SGIP1: variants seen among roughly 807,000 people sequenced by gnomAD.
SGIP1 encodes SH3-containing GRB2-like protein 3-interacting protein 1.
In SGIP1, 38 loss-of-function variants were observed where a neutral mutation model predicts 107.5. The observed-to-expected ratio is 0.35, with a 90% confidence interval of 0.27 to 0.46. SGIP1 has a LOEUF of 0.46. Among genes scored for constraint, SGIP1 ranks in the 20% least tolerant of loss-of-function variants. The pLI, the probability that SGIP1 is intolerant of heterozygous loss-of-function variation, is 1.00. For missense variants in SGIP1, 929 were observed against 1,019.5 expected (o/e 0.91, Z 1.21); for synonymous variants, 365 against 366.1 (o/e 1.00, Z 0.03).
At chr1:66,660,375 G>C (rs2081223421) in intron 7 of SGIP1, 138 bp from the exon 8 acceptor site, 1 of 761,124 alleles carries the variant, frequency 1.3e-6, no homozygotes, top group Non-Finnish European at 2.3e-6. Flanking sequence ...GACCCCCACA[G>C]GAAGCATTTA....
At chr1:66,672,984 A>T (rs2084201684) in intron 11 of SGIP1, among the ~76,000 whole-genome samples, 1 of 152,158 alleles carries the variant, frequency 6.6e-6, no homozygotes, top group Admixed American at 6.5e-5. Flanking sequence ...AGGTATAGAA[A>T]ATCATGATGC....
At chr1:66,676,698 C>T (rs2085429295) in intron 12 of SGIP1, among the ~76,000 whole-genome samples, 1 of 152,126 alleles carries the variant, frequency 6.6e-6, no homozygotes, top group African/African-American at 2.4e-5. Context: ...AGAGCCAGTA[C>T]ATGTACTGAT....
At chr1:66,590,970 C>T (rs1027033912) in intron 1 of SGIP1, among the ~76,000 whole-genome samples, 2 of 152,154 alleles carry the variant, frequency 1.3e-5, no homozygotes, top group African/African-American at 4.8e-5. Context: ...TTTCAAACTG[C>T]CCCAACAAAA....
At chr1:66,718,744 T>C (rs185106948) in intron 18 of SGIP1, among the ~76,000 whole-genome samples, 2 of 152,276 alleles carry the variant, frequency 1.3e-5, no homozygotes, top group African/African-American at 4.8e-5. Context: ...AGTCGATGTG[T>C]ATAGTTTGGT....
At chr1:66,616,166 A>G (rs1267620977) in intron 1 of SGIP1, 3 of 152,232 alleles carry the variant, frequency 2.0e-5, no homozygotes, top group Admixed American at 6.5e-5. Flanking sequence ...ATGTTAGTCA[A>G]TGACATCTCT....
intron 17 of SGIP1, 162 bp from the exon 18 acceptor site, chr1:66,695,270 AAG>A: frequency 7.5e-7 from 1 of 1,337,154 alleles, no homozygotes; most frequent in Admixed American, 3.1e-5. Flanking sequence ...AAAAAAAAAA[AAG>A]TGTAGATTGC....
intron 2 of SGIP1, among the ~76,000 whole-genome samples, chr1:66,631,681 T>TTCTCTCTCTCTC (rs71058468): frequency 1.1e-3 from 142 of 132,216 alleles, no homozygotes; most frequent in Middle Eastern, 3.9e-3. Context: ...CTCTCTCTCT[T>TTCTCTCTCTCTC]TCTCTCTCTC....
intron 5 of SGIP1, among the ~76,000 whole-genome samples, chr1:66,640,850 A>C (rs150807255): frequency 1.1e-3 from 171 of 152,216 alleles, no homozygotes; most frequent in African/African-American, 3.6e-3. Flanking sequence ...TGCTCAAAAA[A>C]ATGGTGAGTT....
At chr1:66,735,055 C>T (rs1013157044) in intron 21 of SGIP1, among the ~76,000 whole-genome samples, 2 of 151,898 alleles carry the variant, frequency 1.3e-5, no homozygotes, top group African/African-American at 4.8e-5. Context: ...GAATTTATTC[C>T]TCTCATCTAA....
chr1:66,631,083 G>GAA (rs1283328623), intron 2 of SGIP1, among the ~76,000 whole-genome samples: 2 of 138,472 alleles, frequency 1.4e-5, no homozygotes, highest in African/African-American at 2.6e-5. Context: ...AAGAAAGAAA[G>GAA]AAAGAAAGAA....
At chr1:66,599,959 T>A (rs1371080193) in intron 1 of SGIP1, among the ~76,000 whole-genome samples, 1 of 152,132 alleles carries the variant, frequency 6.6e-6, no homozygotes, top group Non-Finnish European at 1.5e-5. Context: ...CCTGATACCA[T>A]CTTTGTAACC....
chr1:66,672,266 C>G (rs895765914), intron 11 of SGIP1, among the ~76,000 whole-genome samples: 1 of 152,184 alleles, frequency 6.6e-6, no homozygotes, highest in Non-Finnish European at 1.5e-5. Flanking sequence ...GCTAAAGTTT[C>G]TCTCTAAAGA....
chr1:66,625,578 C>T (rs191640714), intron 1 of SGIP1, among the ~76,000 whole-genome samples: 1 of 152,322 alleles, frequency 6.6e-6, no homozygotes, highest in Non-Finnish European at 1.5e-5. Context: ...CTAAGAAAAT[C>T]TTGCAATCTT....
chr1:66,581,312 G>A (rs903629535), intron 1 of SGIP1, among the ~76,000 whole-genome samples: 1 of 151,938 alleles, frequency 6.6e-6, no homozygotes, highest in African/African-American at 2.4e-5. Context: ...ACTCAGGCAA[G>A]TTCTCAACCT....
intron 18 of SGIP1, among the ~76,000 whole-genome samples, chr1:66,695,891 T>G (rs1191780530): frequency 6.6e-6 from 1 of 152,228 alleles, no homozygotes; most frequent in Non-Finnish European, 1.5e-5. Context: ...GGTATTTAAC[T>G]TGTTTTGGGT....
intron 19 of SGIP1, among the ~76,000 whole-genome samples, chr1:66,727,930 G>A (rs1384756290): frequency 1.3e-5 from 2 of 151,892 alleles, no homozygotes; most frequent in Admixed American, 6.6e-5. Flanking sequence ...CAGGGATGAT[G>A]GAAATGTTCA....
At chr1:66,546,618 C>T (rs149740814) in intron 1 of SGIP1, among the ~76,000 whole-genome samples, 2 of 152,268 alleles carry the variant, frequency 1.3e-5, no homozygotes, top group Non-Finnish European at 2.9e-5. Context: ...TCTTGTGGTA[C>T]GGTATGACTT....
At chr1:66,720,629 G>A (rs2150450599) in intron 19 of SGIP1, among the ~76,000 whole-genome samples, 1 of 152,220 alleles carries the variant, frequency 6.6e-6, no homozygotes, top group South Asian at 2.1e-4. Context: ...AGGAAGTTGA[G>A]GTGGGAGGGT....
rs938586689 is a variant in SGIP1 at position 66,750,171 on chromosome 1, C to T, written c.*7076C>T. Among the ~76,000 whole-genome samples the T allele has an allele frequency of 3.9e-5, 6 of 152,086 alleles. No homozygotes were observed. The highest frequency in any genetic ancestry group is 3.4e-3 in the Middle Eastern group (1 of 294). On this transcript the variant is annotated 3_prime_UTR_variant, in exon 25 of 25. Transcript: ENST00000371037. Reference sequence around the variant, plus strand: ...ATGATATATTAATCTTATCTATGAACAGAGCTTCACCACAGGCCAAGCAGT... The same window carrying T: ...ATGATATATTAATCTTATCTATGAATAGAGCTTCACCACAGGCCAAGCAGT...
Sources: allele counts gnomAD v4.1 joint callset (sites outside exome capture counted in the v4.1 genomes callset), GRCh38; gene constraint gnomAD v4.1.1; transcripts MANE v1.5; gene names NCBI Gene and HGNC (gene_info 2026-07-23, HGNC 2026-07-21).